THAP4: variants seen among roughly 807,000 people sequenced by gnomAD.
The protein encoded by THAP4 is peroxynitrite isomerase THAP4.
Under a neutral mutation model 48.1 loss-of-function variants are expected in THAP4, and 18 were observed. The ratio of observed to expected loss-of-function variants is 0.37; its 90% confidence interval spans 0.26 to 0.56. THAP4 has a LOEUF of 0.56. Ranked by LOEUF, THAP4 falls within the 20% of genes least tolerant of loss-of-function variation. The pLI is 0.78. For synonymous variants in THAP4, 345 were observed against 324.9 expected (o/e 1.06, Z -0.66); for missense variants, 656 against 774.9 (o/e 0.85, Z 1.82).
intron 5 of THAP4, among the ~76,000 whole-genome samples, chr2:241,589,520 A>T (rs1559215808): frequency 6.6e-6 from 1 of 152,220 alleles, no homozygotes; most frequent in African/African-American, 2.4e-5. Context: ...GGGAAGTGCA[A>T]ATTAACATCA....
intron 5 of THAP4, among the ~76,000 whole-genome samples, chr2:241,590,162 G>A (rs1361274305): frequency 2.1e-5 from 3 of 143,426 alleles, no homozygotes; most frequent in African/African-American, 7.8e-5. Context: ...ATGGGCACTA[G>A]GACACTCAGC....
At chr2:241,585,522 G>A (rs1343840277) in intron 5 of THAP4, among the ~76,000 whole-genome samples, 3 of 152,132 alleles carry the variant, frequency 2.0e-5, no homozygotes, top group African/African-American at 7.2e-5. Flanking sequence ...TTCTTTAAAG[G>A]TGTCAGAGAA....
chr2:241,636,578 G>C (rs1441136144), intron 1 of THAP4, among the ~76,000 whole-genome samples: 1 of 152,252 alleles, frequency 6.6e-6, no homozygotes, highest in Non-Finnish European at 1.5e-5. Context: ...GGTCGCTCCT[G>C]CTCGCAGACA....
intron 5 of THAP4, among the ~76,000 whole-genome samples, chr2:241,590,798 C>T (rs4075775): frequency 2.6e-5 from 4 of 151,086 alleles, no homozygotes; most frequent in Admixed American, 6.6e-5. Flanking sequence ...CAGAGCTGCT[C>T]GGCTGATGAT....
At chr2:241,588,628 C>CA (rs2066919690) in intron 5 of THAP4, among the ~76,000 whole-genome samples, 1 of 152,178 alleles carries the variant, frequency 6.6e-6, no homozygotes, top group African/African-American at 2.4e-5. Context: ...GAACCACACA[C>CA]ACAAAGTGAG....
At chr2:241,609,270 G>A (rs184400134) in intron 2 of THAP4, among the ~76,000 whole-genome samples, 5 of 152,338 alleles carry the variant, frequency 3.3e-5, no homozygotes, top group East Asian at 1.9e-4. Flanking sequence ...AGATGGTAAC[G>A]GAGGTTTCTG....
At chr2:241,617,615 T>C in intron 2 of THAP4, 2 of 663,808 alleles carry the variant, frequency 3.0e-6, no homozygotes, top group Non-Finnish European at 2.4e-6. Flanking sequence ...ACAGCCCAGA[T>C]CACAGAATTT....
intron 2 of THAP4, among the ~76,000 whole-genome samples, chr2:241,619,580 TAA>T (rs1010954088): frequency 6.6e-6 from 1 of 152,154 alleles, no homozygotes; most frequent in African/African-American, 2.4e-5. Flanking sequence ...AAATATGGCA[TAA>T]GAGACAAAAA....
chr2:241,612,090 A>G lies in THAP4; in HGVS notation c.1241-5617T>C, dbSNP rs895553099. Among the ~76,000 whole-genome samples the G allele has an allele frequency of 6.6e-6, 1 of 152,160 alleles. No homozygotes were observed. Among genetic ancestry groups the G allele is most frequent in the Non-Finnish European group, 1.5e-5 (1 of 68,030 alleles). ...CTAACTAAACATGTAAGAACTCAGG[A>G]GAGAAACGGCAAGGAAAGAGGAGAA... On this transcript the variant is annotated intron_variant, in intron 2 of 5. Transcript: ENST00000407315. The surrounding 1 kb of genome is among the most constrained non-coding windows in gnomAD (Gnocchi z 4.1).
intron 5 of THAP4, among the ~76,000 whole-genome samples, chr2:241,590,649 CGAT>C (rs199961020): frequency 2.3e-4 from 1 of 4,422 alleles, no homozygotes; most frequent in Non-Finnish European, 5.0e-4. Context: ...GCCCGGCTGA[CGAT>C]GATGGGCACT....
chr2:241,591,156 C>T (rs62192995), intron 5 of THAP4, among the ~76,000 whole-genome samples: 3,221 of 52,304 alleles, frequency 0.062, 3 homozygotes, highest in Middle Eastern at 0.2. Flanking sequence ...GCCCGGCTGA[C>T]GATGATGGGC....
chr2:241,585,678 G>T (rs1268973642), intron 5 of THAP4, among the ~76,000 whole-genome samples: 1 of 151,970 alleles, frequency 6.6e-6, no homozygotes, highest in Admixed American at 6.6e-5. Flanking sequence ...GTAGCTAAGA[G>T]GCTGAGAAGC....
At chr2:241,626,286 C>T (rs772493742) in intron 2 of THAP4, among the ~76,000 whole-genome samples, 45 of 151,926 alleles carry the variant, frequency 3.0e-4, no homozygotes, top group Admixed American at 9.8e-4. Flanking sequence ...ACTAAAAATA[C>T]AAAAATTAGC....
chr2:241,635,080 CACA>C (rs1195788080), intron 1 of THAP4, among the ~76,000 whole-genome samples: 1 of 152,196 alleles, frequency 6.6e-6, no homozygotes, highest in Non-Finnish European at 1.5e-5. Flanking sequence ...GTGACAGCTG[CACA>C]ACAACGTGAA....
In THAP4 at chr2:241,633,791, T is replaced by C. The variant is rs2125100813; in HGVS notation, c.366A>G (p.Arg122=). The C allele has an allele frequency of 1.2e-6, 2 of 1,613,564 alleles. No individual in the cohort carries two copies. The highest frequency in any genetic ancestry group is 1.7e-6 in the Non-Finnish European group (2 of 1,179,552). The part of the protein sequence containing the change: ...VRGHSSAATS[R]GAAGWSPSSS... ...AGGACGGTGACCAACCTGCAGCTCC[T>C]CTGCTGGTGGCGGCACTCGAGTGTC... Residue 122 remains arginine, a synonymous_variant, in exon 2 of 6, where the codon AGA becomes AGG. Transcript: ENST00000407315. The surrounding 1 kb of genome is among the most constrained non-coding windows in gnomAD (Gnocchi z 7.5).
At chr2:241,590,843 A>G (rs2066964755) in intron 5 of THAP4, among the ~76,000 whole-genome samples, 1 of 146,900 alleles carries the variant, frequency 6.8e-6, no homozygotes, top group Non-Finnish European at 1.5e-5. Context: ...TGCCCGGCTG[A>G]CGATAATGGG....
chr2:241,613,704 G>A (rs919404980), intron 2 of THAP4, among the ~76,000 whole-genome samples: 4 of 152,092 alleles, frequency 2.6e-5, no homozygotes, highest in African/African-American at 9.7e-5. Flanking sequence ...GCAATGAGCC[G>A]AGAGCACATC....
At chr2:241,613,265 G>T (rs2067299955) in intron 2 of THAP4, among the ~76,000 whole-genome samples, 1 of 142,690 alleles carries the variant, frequency 7.0e-6, no homozygotes, top group African/African-American at 2.6e-5. Flanking sequence ...AACACTGAAT[G>T]TACTAAGCCA....
intron 2 of THAP4, among the ~76,000 whole-genome samples, chr2:241,628,679 A>G (rs908361305): frequency 6.6e-6 from 1 of 150,510 alleles, no homozygotes; most frequent in Non-Finnish European, 1.5e-5. Context: ...TTTTTTTTTT[A>G]AAGTCATGGC....
Sources: gnomAD v4.1 joint callset for allele counts (sites outside exome capture counted in the v4.1 genomes callset) on GRCh38, gnomAD v4.1.1 for gene constraint, Gnocchi (gnomAD v3.1) non-coding constraint, MANE v1.5 for transcripts, NCBI Gene and HGNC (gene_info 2026-07-23, HGNC 2026-07-21) for gene names.